Variants in TMEM163 observed in about 807,000 individuals in gnomAD.
TMEM163 encodes transmembrane protein 163.
A neutral mutation model predicts 29.3 loss-of-function variants in TMEM163; 17 were observed. That is an observed-to-expected ratio of 0.58 (90% confidence interval 0.40 to 0.87). The LOEUF is 0.87. Ranked by LOEUF, TMEM163 falls within the 40% of genes least tolerant of loss-of-function variation. The pLI is 0.00. For synonymous variants in TMEM163, 157 were observed against 160.6 expected (o/e 0.98, Z 0.17); for missense variants, 303 against 381.5 (o/e 0.79, Z 1.71).
chr2:134,480,694 G>A (rs1687032931), intron 5 of TMEM163, among the ~76,000 whole-genome samples: 1 of 152,130 alleles, frequency 6.6e-6, no homozygotes, highest in East Asian at 1.9e-4. Flanking sequence ...GGAGCCGTGG[G>A]AGACAGTGAC....
intron 2 of TMEM163, among the ~76,000 whole-genome samples, chr2:134,604,563 G>T (rs1237381026): frequency 1.3e-5 from 2 of 152,126 alleles, no homozygotes; most frequent in East Asian, 1.9e-4. Flanking sequence ...TCTGGAGAGA[G>T]GAGAAGAGGG....
intron 2 of TMEM163, among the ~76,000 whole-genome samples, chr2:134,590,639 G>T (rs1681916527): frequency 1.3e-5 from 2 of 152,300 alleles, no homozygotes; most frequent in Middle Eastern, 3.4e-3. Flanking sequence ...TATTCCATAG[G>T]CAGAACAGCC....
intron 2 of TMEM163, among the ~76,000 whole-genome samples, chr2:134,577,589 G>A (rs1422750334): frequency 2.0e-5 from 3 of 152,154 alleles, no homozygotes; most frequent in African/African-American, 7.2e-5. Context: ...GCAGGGCCAG[G>A]AGAGAGGGGG....
chr2:134,477,452 G>A (rs980382508), intron 5 of TMEM163, among the ~76,000 whole-genome samples: 23 of 152,296 alleles, frequency 1.5e-4, no homozygotes, highest in Admixed American at 5.9e-4. Context: ...TTCAGGAACC[G>A]TCAGTTTGCT....
chr2:134,559,568 GAGCAAGTGTTTGTTAGGAA>G (rs899128354), intron 2 of TMEM163, among the ~76,000 whole-genome samples: 18 of 152,230 alleles, frequency 1.2e-4, no homozygotes, highest in African/African-American at 4.1e-4. Flanking sequence ...CCTGTCTGGA[GAGCAAGTGTTTGTTAGGAA>G]AGCAAGTGTT....
intron 2 of TMEM163, among the ~76,000 whole-genome samples, chr2:134,707,724 G>A (rs370332503): frequency 8.7e-4 from 133 of 152,124 alleles, no homozygotes; most frequent in Non-Finnish European, 1.3e-3. Context: ...ACTGCTCTGG[G>A]GGAATGGGCG....
chr2:134,620,257 C>CT (rs373805175), intron 2 of TMEM163, among the ~76,000 whole-genome samples: 2,491 of 138,030 alleles, frequency 0.018, 52 homozygotes, highest in African/African-American at 0.058. Context: ...TATCTAATTT[C>CT]TTTTTTTTTT....
intron 1 of TMEM163, among the ~76,000 whole-genome samples, chr2:134,714,129 C>T (rs1030242322): frequency 1.3e-5 from 2 of 151,782 alleles, no homozygotes; most frequent in African/African-American, 4.9e-5. Flanking sequence ...GCAATGCCCA[C>T]AACTGCCTGG....
intron 4 of TMEM163, among the ~76,000 whole-genome samples, chr2:134,533,279 T>G (rs996071198): frequency 4.6e-5 from 7 of 152,332 alleles, no homozygotes; most frequent in Middle Eastern, 3.4e-3. Flanking sequence ...CTTGGTTTTA[T>G]GTTAAGAGAA....
At chr2:134,598,754 T>C (rs1682151189) in intron 2 of TMEM163, among the ~76,000 whole-genome samples, 2 of 151,436 alleles carry the variant, frequency 1.3e-5, no homozygotes. Flanking sequence ...CCGTCTCTAC[T>C]AAAAAAATAC....
At chr2:134,504,458 A>C (rs114716411) in intron 4 of TMEM163, among the ~76,000 whole-genome samples, 29,815 of 151,360 alleles carry the variant, frequency 0.2, 3,288 homozygotes, top group South Asian at 0.37. Flanking sequence ...CTGCAAAAAA[A>C]AATGAAACAT....
intron 2 of TMEM163, among the ~76,000 whole-genome samples, chr2:134,628,165 T>G (rs1446449131): frequency 6.6e-6 from 1 of 152,232 alleles, no homozygotes; most frequent in Non-Finnish European, 1.5e-5. Flanking sequence ...CAATTTAAAT[T>G]TCATGAATCT....
chr2:134,456,546 G>C lies in TMEM163; in HGVS notation c.*170C>G. ...CCCAACATGTTTGATGGGGGCGGCA[G>C]GTGATGGGGGCAAGGTAGATCCACC... On this transcript the variant is annotated 3_prime_UTR_variant, in exon 8 of 8. Coordinates refer to ENST00000281924, the MANE Select transcript of TMEM163 (RefSeq NM_030923.5). The C allele has an allele frequency of 1.4e-6, 1 of 713,220 alleles. No homozygotes were observed. The highest frequency in any genetic ancestry group is 2.4e-6 in the Non-Finnish European group (1 of 415,864). 44.2% of individuals were successfully genotyped at this position (713,220 alleles called of 1,614,324 possible).
chr2:134,487,846 C>A (rs886202661), intron 5 of TMEM163, among the ~76,000 whole-genome samples: 1 of 152,118 alleles, frequency 6.6e-6, no homozygotes, highest in Non-Finnish European at 1.5e-5. Context: ...ATACCAAATA[C>A]AAATTCTAGA....
chr2:134,552,546 G>A (rs1179119723), intron 2 of TMEM163, among the ~76,000 whole-genome samples: 4 of 151,572 alleles, frequency 2.6e-5, no homozygotes, highest in African/African-American at 7.3e-5. Context: ...GTAGACACCA[G>A]TAACAGTTGT....
intron 1 of TMEM163, among the ~76,000 whole-genome samples, chr2:134,715,205 A>G (rs535412080): frequency 1.3e-5 from 2 of 152,352 alleles, no homozygotes; most frequent in African/African-American, 2.4e-5. Flanking sequence ...TTTTCTCTTC[A>G]GCCGCATAAC....
At chr2:134,525,991 A>T (rs1680286003) in intron 4 of TMEM163, among the ~76,000 whole-genome samples, 1 of 152,234 alleles carries the variant, frequency 6.6e-6, no homozygotes, top group African/African-American at 2.4e-5. Context: ...AGGCTGTTGG[A>T]AGGGATTTCA....
At chr2:134,484,017 G>A (rs969466308) in intron 5 of TMEM163, among the ~76,000 whole-genome samples, 13 of 152,144 alleles carry the variant, frequency 8.5e-5, no homozygotes, top group Admixed American at 1.3e-4. Flanking sequence ...TGGCGTGCCT[G>A]TAATCCCAGC....
intron 2 of TMEM163, among the ~76,000 whole-genome samples, chr2:134,703,473 T>C (rs912337744): frequency 1.3e-4 from 20 of 151,336 alleles, no homozygotes; most frequent in African/African-American, 4.1e-4. Context: ...AGAAAAAAAA[T>C]TGTACAAGAA....
Sources: gnomAD v4.1 joint callset for allele counts (sites outside exome capture counted in the v4.1 genomes callset) on GRCh38, gnomAD v4.1.1 for gene constraint, MANE v1.5 for transcripts, NCBI Gene and HGNC (gene_info 2026-07-23, HGNC 2026-07-21) for gene names.